The following ZNF536 variants were observed in gnomAD, a reference collection of about 807,000 sequenced individuals.
ZNF536 encodes zinc finger protein 536.
ZNF536 carries 13 observed loss-of-function variants against 84.5 expected under a neutral mutation model. The ratio of observed to expected loss-of-function variants is 0.15; its 90% CI spans 0.10 to 0.24. ZNF536 has a LOEUF of 0.24. Ranked by LOEUF, ZNF536 falls within the 10% of genes least tolerant of loss-of-function variation. The probability of loss-of-function intolerance (pLI) is 1.00; values close to 1 mark genes in which losing one functional copy is unlikely to be tolerated. For missense variants in ZNF536, 1,536 were observed against 1,747.5 expected, an observed-to-expected ratio of 0.88 and a Z score of 2.16; for synonymous variants, 811 against 742.5, an observed-to-expected ratio of 1.09 and a Z score of -1.50.
chr19:30,578,253 G>C (rs1239044215), intron 1 of ZNF536, among the ~76,000 whole-genome samples: 1 of 152,242 alleles, frequency 6.6e-6, no homozygotes, highest in African/African-American at 2.4e-5. Flanking sequence ...CTCTGACTCA[G>C]AGACCTGATA....
chr19:30,637,310 T>A (rs1419681020), intron 1 of ZNF536, among the ~76,000 whole-genome samples: 1 of 152,168 alleles, frequency 6.6e-6, no homozygotes, highest in African/African-American at 2.4e-5. Context: ...CATGTCCTAC[T>A]GACACCAAGG....
intron 1 of ZNF536, among the ~76,000 whole-genome samples, chr19:30,266,792 A>T (rs1194176127): frequency 6.6e-6 from 1 of 152,214 alleles, no homozygotes; most frequent in Non-Finnish European, 1.5e-5. Context: ...TTAAGGCAGG[A>T]AGAATGCATT....
chr19:30,468,804 A>G (rs1000660166), intron 2 of ZNF536, among the ~76,000 whole-genome samples: 3 of 151,974 alleles, frequency 2.0e-5, no homozygotes, highest in African/African-American at 7.3e-5. Context: ...GATGGTGTGG[A>G]CCCTGAGATC....
intron 2 of ZNF536, among the ~76,000 whole-genome samples, chr19:30,505,187 A>T (rs555609631): frequency 2.7e-4 from 40 of 149,836 alleles, no homozygotes; most frequent in Middle Eastern, 7.0e-3. Flanking sequence ...TTCCCTTTTT[A>T]TGAAATTATT....
rs577501838 is a variant in ZNF536 at position 30,645,803 on chromosome 19, G to A, written c.170-64954G>A. Among the ~76,000 whole-genome samples, 102 of 152,330 alleles carry A rather than the reference G, an allele frequency of 6.7e-4. 1 individual carries two copies. Among genetic ancestry groups the A allele is most frequent in the Non-Finnish European group, 1.1e-3 (75 of 68,026 alleles). On this transcript the variant is annotated intron_variant, in intron 1 of 1. Transcript: ENST00000592773. ...TAGCGGATGGCGCCACCCTGCAGCAGGGAGCTTCCCATCTAGACACATATG... is the reference window on the plus strand; with the variant it reads ...TAGCGGATGGCGCCACCCTGCAGCAAGGAGCTTCCCATCTAGACACATATG...
At chr19:30,528,033 G>A (rs1411585424) in intron 2 of ZNF536, among the ~76,000 whole-genome samples, 1 of 152,162 alleles carries the variant, frequency 6.6e-6, no homozygotes, top group East Asian at 1.9e-4. Context: ...CATACTTGCA[G>A]AATTAACTGA....
At chr19:30,638,065 T>C (rs985532476) in intron 1 of ZNF536, among the ~76,000 whole-genome samples, 1 of 152,082 alleles carries the variant, frequency 6.6e-6, no homozygotes, top group African/African-American at 2.4e-5. Context: ...TCCTGAATGT[T>C]CCAGTCTGCA....
At position 30,417,148 on chromosome 19, in the gene ZNF536, ATTTTTTTTTTTTTTT is replaced by A. The variant is rs71173904; in HGVS notation, c.-2-26399_-2-26385del. Among the ~76,000 whole-genome samples, 14 of 100,238 alleles carry A rather than the reference ATTTTTTTTTTTTTTT, an allele frequency of 1.4e-4. No homozygotes were observed. The South Asian group carries it at 3.1e-3, about 22-fold the overall frequency. The allele number at this position is 100,238 out of a possible 152,430, so 65.8% of individuals were successfully genotyped here. ...GCCACCACGCCAGGCTAATTTTTGT[ATTTTTTTTTTTTTTT>A]TTTTTTTTTTTTTAGTAGAAACAGG... On this transcript the variant is annotated intron_variant, in intron 1 of 4. Coordinates refer to ENST00000355537, the MANE Select transcript of ZNF536 (RefSeq NM_014717.3).
chr19:30,526,552 G>A (rs564107982), intron 2 of ZNF536, among the ~76,000 whole-genome samples: 2 of 137,980 alleles, frequency 1.4e-5, no homozygotes, highest in South Asian at 4.3e-4. Flanking sequence ...GTGAAACCCC[G>A]TCTCTACTAA....
chr19:30,538,322 GT>G (rs1158525074), intron 3 of ZNF536, among the ~76,000 whole-genome samples: 1 of 152,136 alleles, frequency 6.6e-6, no homozygotes, highest in African/African-American at 2.4e-5. Context: ...AAAACCCAAC[GT>G]GTAATATAAA....
In ZNF536 at chr19:30,492,921, A is replaced by G. The variant is rs1288350333; in HGVS notation, c.2171-41926A>G. On this transcript the variant is annotated intron_variant, in intron 2 of 4. Transcript: ENST00000355537. Reference sequence around the variant, plus strand: ...CAGCCACACCTATCGCCAACGCCATAATGCCCAACATTTGCAAGACACAAA... The same window carrying G: ...CAGCCACACCTATCGCCAACGCCATGATGCCCAACATTTGCAAGACACAAA... Among the ~76,000 whole-genome samples the G allele has an allele frequency of 3.9e-5, 6 of 152,126 alleles. No individual in the cohort carries two copies. In the South Asian group the frequency reaches 1.0e-3, roughly 26 times the overall value.
intron 2 of ZNF536, among the ~76,000 whole-genome samples, chr19:30,480,395 T>C (rs1371016786): frequency 6.6e-6 from 1 of 152,188 alleles, no homozygotes; most frequent in African/African-American, 2.4e-5. Context: ...TTGCTCTGAA[T>C]TGAACTTTTA....
chr19:30,277,089 G>A lies in ZNF536; in HGVS notation c.-189-6983G>A, dbSNP rs554747413. Among the ~76,000 whole-genome samples, 115 of 152,282 alleles carry A rather than the reference G, an allele frequency of 7.6e-4. 3 individuals are homozygous for A. Among genetic ancestry groups the A allele is most frequent in the Admixed American group, 4.3e-3 (66 of 15,298 alleles). ...ATTTTCTAATTACGTATATACTCTGGTGTCTAATGATTGGTTTTTTGAAGT... is the reference window on the plus strand; with the variant it reads ...ATTTTCTAATTACGTATATACTCTGATGTCTAATGATTGGTTTTTTGAAGT... On this transcript the variant is annotated intron_variant, in intron 1 of 5. Transcript: ENST00000585628.
chr19:30,381,728 T>C (rs1488669288), intron 1 of ZNF536, among the ~76,000 whole-genome samples: 2 of 152,132 alleles, frequency 1.3e-5, no homozygotes, highest in Non-Finnish European at 2.9e-5. Context: ...TGCGGGGTGG[T>C]TGATGGGGAA....
chr19:30,551,090 T>C lies in ZNF536; in HGVS notation c.3895+1576T>C, dbSNP rs145689395. Among the ~76,000 whole-genome samples the C allele has an allele frequency of 3.7e-3, 565 of 151,732 alleles. 3 individuals carry two copies. Among genetic ancestry groups the C allele is most frequent in the African/African-American group, 0.013 (531 of 41,422 alleles). On this transcript the variant is annotated intron_variant, in intron 4 of 4. Transcript: ENST00000355537. The stretch of plus-strand genomic sequence containing the variant: ...TTCTTTTTTTCATTGTTGTTTTAGG[T>C]TTGTGATCGGGGTGGTTTCTTTTTT...
intron 1 of ZNF536, among the ~76,000 whole-genome samples, chr19:30,625,794 G>A (rs2048653940): frequency 6.6e-6 from 1 of 152,214 alleles, no homozygotes; most frequent in Admixed American, 6.5e-5. Flanking sequence ...CATGGACTCT[G>A]TGTTGGTGAA....
chr19:30,286,153 A>T (rs2045617650), intron 2 of ZNF536, among the ~76,000 whole-genome samples: 1 of 152,142 alleles, frequency 6.6e-6, no homozygotes, highest in East Asian at 1.9e-4. Flanking sequence ...ATCCCATTAT[A>T]ATCACGCTCA....
chr19:30,332,760 G>A lies in ZNF536; in HGVS notation c.-119-19608G>A, dbSNP rs558643975. On this transcript the variant is annotated intron_variant, in intron 2 of 5. Coordinates refer to the ZNF536 transcript ENST00000585628. ...CTTGCTGTGACCTAGCACCCAGTAC[G>A]ATGCCTGATTCATAAAAAGCACTTT... Among the ~76,000 whole-genome samples the A allele has an allele frequency of 7.9e-5, 12 of 152,284 alleles. No homozygotes were observed. In the South Asian group the frequency reaches 1.5e-3, roughly 18 times the overall value.
At chr19:30,289,014 G>A (rs1469236959) in intron 2 of ZNF536, among the ~76,000 whole-genome samples, 1 of 152,198 alleles carries the variant, frequency 6.6e-6, no homozygotes, top group Non-Finnish European at 1.5e-5. Flanking sequence ...GAGAATGTCA[G>A]AAAGGGTGGT....
Sources: gnomAD v4.1 joint callset for allele counts (sites outside exome capture counted in the v4.1 genomes callset) on GRCh38, gnomAD v4.1.1 for gene constraint, MANE v1.5 for transcripts, NCBI Gene and HGNC (gene_info 2026-07-23, HGNC 2026-07-21) for gene names.